TUBGCP5: variants seen among roughly 807,000 people sequenced by gnomAD.
TUBGCP5 encodes the protein gamma-tubulin complex component 5.
A neutral mutation model predicts 134.7 loss-of-function variants in TUBGCP5; 98 were observed. The ratio of observed to expected loss-of-function variants is 0.73; its 90% confidence interval spans 0.62 to 0.86. The LOEUF (loss-of-function observed/expected upper bound fraction) is 0.86, where lower values mean the gene tolerates loss of function less well. TUBGCP5 is among the 40% of genes least tolerant of loss of function. The pLI is 0.00. For missense variants in TUBGCP5, 1,150 were observed against 1,244.8 expected, an observed-to-expected ratio of 0.92 and a Z score of 1.15; for synonymous variants, 456 against 431.4, an observed-to-expected ratio of 1.06 and a Z score of -0.71.
At chr15:23,027,465 A>G (rs753070711) in intron 6 of TUBGCP5, among the ~76,000 whole-genome samples, 159 bp from the exon 7 acceptor site, 9 of 152,172 alleles carry the variant, frequency 5.9e-5, no homozygotes, top group Non-Finnish European at 1.3e-4. Context: ...TAAACCACAT[A>G]TATCTGCTGG....
exon 24 of TUBGCP5, chr15:22,983,297 T>C (rs2063587028): frequency 2.0e-5 from 3 of 152,032 alleles, no homozygotes; most frequent in African/African-American, 7.3e-5. Flanking sequence ...TCTCATCAGA[T>C]TTCAAAGGGT....
At chr15:23,008,010 G>GCACT (rs1567112815) in intron 16 of TUBGCP5, among the ~76,000 whole-genome samples, 2 of 152,130 alleles carry the variant, frequency 1.3e-5, no homozygotes, top group Admixed American at 1.3e-4. Context: ...GGGAGAGGAA[G>GCACT]CACTGACTCC....
rs2064945587 is a variant in TUBGCP5, at chr15:23,010,025, T to TC, written c.2063dup (p.Ser689IlefsTer8). The stretch of plus-strand genomic sequence containing the variant: ...TGTCAATATGAGGATAGAGGCAGGA[T>TC]CTCAGCGTTAATTCAAAAGTCTGGC... On this transcript the variant is annotated frameshift_variant, in exon 15 of 23. Coordinates refer to ENST00000615383, the MANE Select transcript of TUBGCP5 (RefSeq NM_052903.6). LOFTEE classifies it high-confidence loss of function. 6.2e-7 allele frequency: 1 copy of TC among 1,614,032 alleles called. No homozygotes were observed. Among genetic ancestry groups the TC allele is most frequent in the South Asian group, 1.1e-5 (1 of 91,080 alleles).
chr15:23,004,404 T>C, intron 19 of TUBGCP5, 177 bp from the exon 20 acceptor site: 1 of 734,460 alleles, frequency 1.4e-6, no homozygotes, highest in Non-Finnish European at 2.1e-6. Context: ...TCTGGCGTTC[T>C]GATCCTAAGA....
intron 3 of TUBGCP5, among the ~76,000 whole-genome samples, chr15:23,035,503 A>T (rs1026980368): frequency 2.6e-5 from 4 of 152,046 alleles, no homozygotes; most frequent in African/African-American, 9.7e-5. Flanking sequence ...TTAGATTGTC[A>T]TAAGGAGCAT....
chr15:22,987,788 C>G (rs1053807518), intron 23 of TUBGCP5, among the ~76,000 whole-genome samples: 1 of 146,922 alleles, frequency 6.8e-6, no homozygotes, highest in South Asian at 2.2e-4. Context: ...CCCAGCTACT[C>G]GGGAAGCTGA....
chr15:23,025,475 C>T (rs894603734), intron 8 of TUBGCP5, among the ~76,000 whole-genome samples: 7 of 152,112 alleles, frequency 4.6e-5, no homozygotes, highest in Non-Finnish European at 1.0e-4. Context: ...CACCATGTGC[C>T]GCATTAGATT....
rs2065440125 is a variant in TUBGCP5, at chr15:23,018,031, C to T, written c.1498G>A (p.Val500Ile). 6.2e-7 allele frequency: 1 copy of T among 1,606,910 alleles called. No individual in the cohort carries two copies. Among genetic ancestry groups the T allele is most frequent in the Middle Eastern group, 1.7e-4 (1 of 5,772 alleles). ...REFIIQRNKN[V>I]PVNHRDFWYA... is the part of the protein sequence containing the mutation. ...CAGAAGTCTCTGTGATTAACTGGAA[C>T]ATTTTTGTTTCTAAAGAGATTCAAA... The change falls in exon 13 of 23, where the codon GTT becomes ATT. Residue 500 changes from valine (V) to isoleucine (I), a missense_variant. By Grantham distance (29) the Val-to-Ile change is conservative. Transcript: ENST00000615383.
At position 23,039,547 on chromosome 15, in the gene TUBGCP5, C is replaced by A. The variant is rs376992060; in HGVS notation, c.-4G>T. On this transcript the variant is annotated 5_prime_UTR_variant, in exon 1 of 23. Coordinates refer to ENST00000615383, the MANE Select transcript of TUBGCP5 (RefSeq NM_052903.6). ...ACGGTGGCCCGTGCCGCGCCATGTT[C>A]CGCGCTCCTGCAGCGCGCGTCTAAC... is the stretch of plus-strand genomic sequence containing the variant. 3.4e-6 allele frequency: 5 copies of A among 1,449,618 alleles called. No individual in the cohort carries two copies. The African/African-American group carries it at 5.8e-5, about 17-fold the overall frequency. 89.8% of individuals were successfully genotyped at this position (1,449,618 alleles called of 1,614,324 possible). A position where few individuals can be genotyped will look rare whatever the true frequency, so the allele number is the denominator to read the frequency against.
chr15:22,998,580 T>TC (rs2064202604), downstream of TUBGCP5, among the ~76,000 whole-genome samples: 1 of 151,998 alleles, frequency 6.6e-6, no homozygotes, highest in Non-Finnish European at 1.5e-5. Flanking sequence ...CACCTCAGCC[T>TC]CCCAAGTAGC....
intron 16 of TUBGCP5, among the ~76,000 whole-genome samples, chr15:23,006,728 A>G (rs1357027070): frequency 6.6e-6 from 1 of 152,162 alleles, no homozygotes; most frequent in African/African-American, 2.4e-5. Flanking sequence ...GGAGCCGAGC[A>G]TGTGGTGAGA....
At chr15:23,003,954 G>T in intron 20 of TUBGCP5, 148 bp downstream of exon 20, 2 of 1,046,866 alleles carry the variant, frequency 1.9e-6, no homozygotes, top group Non-Finnish European at 2.6e-6. Context: ...TGGCCGGCCT[G>T]GGGCATTTGT....
rs916123461 is a variant in TUBGCP5, at chr15:22,999,248, A to G, written c.*572T>C. On this transcript the variant is annotated 3_prime_UTR_variant, in exon 23 of 23. Transcript: ENST00000615383. ...TCAAAATATGATATAATTTAAAGGT[A>G]TCAGTACCATAAATCTGTATCTTAC... 6.6e-6 allele frequency: 1 copy of G among 152,392 alleles called. No individual in the cohort carries two copies. The highest frequency in any genetic ancestry group is 2.4e-5 in the African/African-American group (1 of 41,460). The allele number at this position is 152,392 out of a possible 1,614,324, so 9.4% of individuals were successfully genotyped here. A position where few individuals can be genotyped will look rare whatever the true frequency, so the allele number is the denominator to read the frequency against.
Position 23,031,989 on chromosome 15 carries a change from T to C in TUBGCP5, c.447A>G (p.Glu149=). 11 of 1,612,914 alleles carry C rather than the reference T, an allele frequency of 6.8e-6. No homozygotes were observed. The highest frequency in any genetic ancestry group is 9.3e-6 in the Non-Finnish European group (11 of 1,179,258). The part of the protein sequence containing the change: ...DDFDWGKYLM[E]DEEMDIGPYM... ...ACGGACCAATGTCCATTTCTTCATC[T>C]TCCATCAAGTATTTTCCCCAGTCGA... The change falls in exon 5 of 23, where the codon GAA becomes GAG. Residue 149 remains glutamate (E), a synonymous_variant. Transcript: ENST00000615383.
chr15:23,008,625 G>A (rs1032582434), intron 16 of TUBGCP5, 74 bp downstream of exon 16: 1 of 1,452,486 alleles, frequency 6.9e-7, no homozygotes, highest in Non-Finnish European at 9.6e-7. Flanking sequence ...AATAATATGT[G>A]TAATTCATAG....
rs117459123 is a variant in TUBGCP5, at chr15:23,003,421, T to C, written c.2839-268A>G. ...CCTTTTCCTGGGATGGCCATTTAAA[T>C]TCACCAATGAAACTAGGACAAATAA... On this transcript the variant is annotated intron_variant, in intron 20 of 22. Transcript: ENST00000615383. Among the ~76,000 whole-genome samples, 602 of 152,278 alleles carry C rather than the reference T, an allele frequency of 4.0e-3. 2 individuals are homozygous for C. Among genetic ancestry groups the C allele is most frequent in the Non-Finnish European group, 5.4e-3 (366 of 68,016 alleles).
chr15:23,000,614 C>G lies in TUBGCP5; in HGVS notation c.2983G>C (p.Val995Leu). ...CAGACGGCTTTGTTTAAAATGGTTA[C>G]AAGAAACATATGGCAGTTTTTAAAA... ...SDFKNCHMFL[V>L]TILNKAVCRG... is the part of the protein sequence containing the mutation. Residue 995 changes from valine (V) to leucine (L), a missense_variant, in exon 22 of 23, where the codon GTA becomes CTA. By Grantham distance (32) the Val-to-Leu change is conservative. Transcript: ENST00000615383. 1 of 1,610,438 alleles carries G rather than the reference C, an allele frequency of 6.2e-7. No homozygotes were observed. The highest frequency in any genetic ancestry group is 1.7e-5 in the Admixed American group (1 of 59,802).
At chr15:23,014,930 G>T (rs906793384) in intron 13 of TUBGCP5, among the ~76,000 whole-genome samples, 2 of 152,082 alleles carry the variant, frequency 1.3e-5, no homozygotes, top group African/African-American at 2.4e-5. Flanking sequence ...CCTATAGGCT[G>T]GCCAAGCAAC....
chr15:23,011,340 T>A lies in TUBGCP5; in HGVS notation c.1757-9A>T. 4 of 1,603,352 alleles carry A rather than the reference T, an allele frequency of 2.5e-6. No homozygotes were observed. Among genetic ancestry groups the A allele is most frequent in the Non-Finnish European group, 1.7e-6 (2 of 1,172,502 alleles). The stretch of plus-strand genomic sequence containing the variant: ...ACTTTTTCTTTCTGCATCTGAAACA[T>A]AAAGAAATATGTAAGGTGAACTAAG... On this transcript the variant is annotated splice_polypyrimidine_tract_variant and intron_variant, in intron 13 of 22. Coordinates refer to ENST00000615383, the MANE Select transcript of TUBGCP5 (RefSeq NM_052903.6).
Sources: gnomAD v4.1 joint callset for allele counts (sites outside exome capture counted in the v4.1 genomes callset) on GRCh38, gnomAD v4.1.1 for gene constraint, MANE v1.5 for transcripts, NCBI Gene and HGNC (gene_info 2026-07-23, HGNC 2026-07-21) for gene names.